MACROD2: variants seen among roughly 807,000 people sequenced by gnomAD.
MACROD2 encodes mono-ADP ribosylhydrolase 2.
MACROD2 carries 36 observed loss-of-function variants against 70.4 expected under a neutral mutation model. That is an observed-to-expected ratio of 0.51 (90% confidence interval 0.39 to 0.68). MACROD2 has a LOEUF of 0.68. Among genes scored for constraint, MACROD2 ranks in the 30% least tolerant of loss-of-function variants. MACROD2 has a pLI of 0.00. For synonymous variants in MACROD2, 172 were observed against 178.8 expected, an observed-to-expected ratio of 0.96 and a Z score of 0.30; for missense variants, 496 against 538.4, an observed-to-expected ratio of 0.92 and a Z score of 0.78.
intron 3 of MACROD2, among the ~76,000 whole-genome samples, chr20:14,300,182 A>G (rs1601449970): frequency 6.6e-6 from 1 of 152,352 alleles, no homozygotes; most frequent in African/African-American, 2.4e-5. Context: ...ACTTTCGTTT[A>G]CTGATAATGA....
chr20:14,943,211 G>A (rs1035875032), intron 5 of MACROD2, among the ~76,000 whole-genome samples: 50 of 152,312 alleles, frequency 3.3e-4, no homozygotes, highest in African/African-American at 1.1e-3. Flanking sequence ...TATTTGCGAA[G>A]TGTAGAGAGA....
chr20:14,828,052 T>C (rs989348667), intron 5 of MACROD2, among the ~76,000 whole-genome samples: 2 of 152,046 alleles, frequency 1.3e-5, no homozygotes, highest in Non-Finnish European at 2.9e-5. Context: ...GAAGGCATAA[T>C]AAAGAAAATA....
chr20:15,037,739 C>T (rs567300554), intron 5 of MACROD2, among the ~76,000 whole-genome samples: 3 of 151,548 alleles, frequency 2.0e-5, no homozygotes, highest in African/African-American at 7.3e-5. Context: ...TTAGTTTTAC[C>T]ATGTATTAGC....
chr20:14,396,806 T>C (rs997580371), intron 3 of MACROD2, among the ~76,000 whole-genome samples: 7 of 150,800 alleles, frequency 4.6e-5, no homozygotes, highest in African/African-American at 1.7e-4. Context: ...GTGCCTGTAG[T>C]TCCAGCTACT....
At chr20:15,589,105 G>A (rs1323173368) in intron 8 of MACROD2, among the ~76,000 whole-genome samples, 2 of 152,188 alleles carry the variant, frequency 1.3e-5, no homozygotes, top group East Asian at 1.9e-4. Context: ...GAGGCAAAAG[G>A]CACTTCTTAC....
intron 5 of MACROD2, among the ~76,000 whole-genome samples, chr20:14,926,033 G>T (rs939638643): frequency 3.9e-5 from 6 of 152,120 alleles, no homozygotes; most frequent in African/African-American, 1.4e-4. Flanking sequence ...CTCTTCACAT[G>T]GTCATTGAGA....
chr20:14,448,703 G>A (rs774636671), intron 3 of MACROD2, among the ~76,000 whole-genome samples: 3 of 151,558 alleles, frequency 2.0e-5, no homozygotes, highest in Non-Finnish European at 2.9e-5. Context: ...AAAGAAAGGC[G>A]GTGAGAGACA....
chr20:15,733,518 C>G (rs1449721681), intron 8 of MACROD2, among the ~76,000 whole-genome samples: 2 of 152,032 alleles, frequency 1.3e-5, no homozygotes, highest in African/African-American at 2.4e-5. Context: ...GCAGTTTTGT[C>G]ACTGCTTTTA....
intron 8 of MACROD2, among the ~76,000 whole-genome samples, chr20:15,726,282 T>TAG (rs1473418679): frequency 1.3e-5 from 2 of 152,210 alleles, no homozygotes; most frequent in African/African-American, 4.8e-5. Context: ...TATGGCTGCA[T>TAG]AGTATTCCAT....
At position 14,093,686 on chromosome 20, in the gene MACROD2, A is replaced by G. The variant is rs890576843; in HGVS notation, c.271+7958A>G. The stretch of plus-strand genomic sequence containing the variant: ...CATTTGACAAAAAAAAAAAACCCCA[A>G]AAATAAACAAAAAAACCCCAGGAAA... On this transcript the variant is annotated intron_variant, in intron 3 of 17. Transcript: ENST00000684519. Among the ~76,000 whole-genome samples the G allele has an allele frequency of 2.0e-5, 3 of 151,878 alleles. No homozygotes were observed. In the East Asian group the frequency reaches 5.8e-4, roughly 29 times the overall value.
intron 3 of MACROD2, among the ~76,000 whole-genome samples, chr20:14,342,929 T>C (rs2083029685): frequency 1.3e-5 from 2 of 152,062 alleles, no homozygotes; most frequent in Admixed American, 1.3e-4. Context: ...ACACTCATGT[T>C]GGACTGTTAC....
chr20:14,079,653 T>A (rs1163250788), intron 2 of MACROD2, among the ~76,000 whole-genome samples: 3 of 152,232 alleles, frequency 2.0e-5, no homozygotes, highest in African/African-American at 7.2e-5. Context: ...TAAGATTCTG[T>A]CTTCCTTGTA....
chr20:14,010,511 CAATGCTTT>C (rs1471220959), intron 2 of MACROD2, among the ~76,000 whole-genome samples: 2 of 152,036 alleles, frequency 1.3e-5, no homozygotes, highest in Non-Finnish European at 2.9e-5. Context: ...TGTATGGTAC[CAATGCTTT>C]AATCTTTTTT....
chr20:14,342,423 C>G (rs1346583036), intron 3 of MACROD2, among the ~76,000 whole-genome samples: 1 of 152,152 alleles, frequency 6.6e-6, no homozygotes, highest in Non-Finnish European at 1.5e-5. Flanking sequence ...TTTGTAGACG[C>G]TCTCAAGTCT....
At chr20:15,631,880 G>A (rs1172610213) in intron 8 of MACROD2, among the ~76,000 whole-genome samples, 1 of 152,208 alleles carries the variant, frequency 6.6e-6, no homozygotes, top group African/African-American at 2.4e-5. Flanking sequence ...GCTCACGCCT[G>A]TAATCCCAGC....
At chr20:14,522,024 G>A (rs948982924) in intron 4 of MACROD2, among the ~76,000 whole-genome samples, 3 of 152,172 alleles carry the variant, frequency 2.0e-5, no homozygotes, top group African/African-American at 7.2e-5. Flanking sequence ...GGGGGTTAAT[G>A]AAGCCTTCCC....
intron 4 of MACROD2, among the ~76,000 whole-genome samples, chr20:14,599,422 G>A (rs549129310): frequency 4.6e-5 from 7 of 152,142 alleles, no homozygotes; most frequent in African/African-American, 1.7e-4. Flanking sequence ...GACATCAGTG[G>A]AGTAAAGGAT....
intron 5 of MACROD2, among the ~76,000 whole-genome samples, chr20:15,108,648 A>T (rs938940449): frequency 1.3e-5 from 2 of 152,186 alleles, no homozygotes; most frequent in Non-Finnish European, 2.9e-5. Flanking sequence ...CTTATTGAAT[A>T]TCTTTTTGTT....
intron 3 of MACROD2, among the ~76,000 whole-genome samples, chr20:14,386,828 A>T (rs1448353259): frequency 2.6e-5 from 4 of 152,246 alleles, no homozygotes; most frequent in Non-Finnish European, 5.9e-5. Context: ...AGCCTAATGT[A>T]GATGGCTTTT....
Sources: gnomAD v4.1 joint callset for allele counts (sites outside exome capture counted in the v4.1 genomes callset) on GRCh38, gnomAD v4.1.1 for gene constraint, MANE v1.5 for transcripts, NCBI Gene and HGNC (gene_info 2026-07-23, HGNC 2026-07-21) for gene names.